LRP8: variants seen among roughly 807,000 people sequenced by gnomAD.
LRP8 encodes the protein low-density lipoprotein receptor-related protein 8.
In LRP8, 46 loss-of-function variants were observed where a neutral mutation model predicts 111.6. The ratio of observed to expected loss-of-function variants is 0.41; its 90% CI spans 0.33 to 0.53. The LOEUF (loss-of-function observed/expected upper bound fraction) is 0.53, where lower values mean the gene tolerates loss of function less well. LRP8 is among the 20% of genes least tolerant of loss of function. The pLI, the probability that LRP8 is intolerant of heterozygous loss-of-function variation, is 0.20. For synonymous variants in LRP8, 464 were observed against 511.2 expected, an observed-to-expected ratio of 0.91 and a Z score of 1.24; for missense variants, 959 against 1,297.4, an observed-to-expected ratio of 0.74 and a Z score of 4.01.
Position 53,323,441 on chromosome 1 carries a change from G to A in LRP8, c.244+3432C>T, listed in dbSNP as rs536061443. The stretch of plus-strand genomic sequence containing the variant: ...GGGAGTAAAGGCCAGGCCAGAGACC[G>A]GAATCTCTGCCTCTGCCCCCAGACA... On this transcript the variant is annotated intron_variant, in intron 2 of 18. Transcript: ENST00000306052. Among the ~76,000 whole-genome samples, 24 of 152,340 alleles carry A rather than the reference G, an allele frequency of 1.6e-4. No homozygotes were observed. The South Asian group carries it at 2.9e-3, about 18-fold the overall frequency.
intron 3 of LRP8, among the ~76,000 whole-genome samples, chr1:53,286,344 T>A (rs1348430219): frequency 6.6e-6 from 1 of 152,178 alleles, no homozygotes; most frequent in African/African-American, 2.4e-5. Flanking sequence ...TGGGCCTCCA[T>A]TTTCTGATCT....
At chr1:53,309,953 C>T (rs995195985) in intron 2 of LRP8, among the ~76,000 whole-genome samples, 1 of 152,096 alleles carries the variant, frequency 6.6e-6, no homozygotes, top group Non-Finnish European at 1.5e-5. Flanking sequence ...CCTACCCCGA[C>T]GCTTCACCAG....
At chr1:53,255,809 C>T (rs1227465165) in intron 15 of LRP8, among the ~76,000 whole-genome samples, 1 of 152,124 alleles carries the variant, frequency 6.6e-6, no homozygotes, top group Admixed American at 6.5e-5. Context: ...TGGTATTATA[C>T]TTTTATATCT....
rs766856973 is a variant in LRP8 at position 53,276,732 on chromosome 1, G to C, written c.843C>G (p.Gly281=). ...CCGATTTGTCTTTGCAGTCGCGGTC[G>C]CCGTCGCAGCGCCAGCCCAGGTGCA... is the stretch of plus-strand genomic sequence containing the variant. ...ECVHLGWRCD[G]DRDCKDKSDE... Residue 281 remains glycine, a synonymous_variant, in exon 5 of 19, where the codon GGC becomes GGG. Coordinates refer to ENST00000306052, the MANE Select transcript of LRP8 (RefSeq NM_004631.5). 11 of 1,518,880 alleles carry C rather than the reference G, an allele frequency of 7.2e-6. No individual in the cohort carries two copies. The South Asian group carries it at 1.3e-4, about 18-fold the overall frequency. The allele number at this position is 1,518,880 out of a possible 1,614,324, so 94.1% of individuals were successfully genotyped here. A position where few individuals can be genotyped will look rare whatever the true frequency, so the allele number is the denominator to read the frequency against.
At chr1:53,280,890 A>T (rs1485777243) in intron 3 of LRP8, among the ~76,000 whole-genome samples, 175 bp from the exon 4 acceptor site, 1 of 152,136 alleles carries the variant, frequency 6.6e-6, no homozygotes, top group East Asian at 1.9e-4. Flanking sequence ...CTGTGCCAGG[A>T]ATTTTCAAAT....
intron 12 of LRP8, 85 bp from the exon 13 acceptor site, chr1:53,260,690 A>G: frequency 7.2e-7 from 1 of 1,391,062 alleles, no homozygotes; most frequent in Non-Finnish European, 1.0e-6. Flanking sequence ...AACCATAGTC[A>G]CAAGAACTTC....
At chr1:53,323,826 C>A (rs1654814404) in intron 2 of LRP8, among the ~76,000 whole-genome samples, 1 of 152,202 alleles carries the variant, frequency 6.6e-6, no homozygotes, top group African/African-American at 2.4e-5. Flanking sequence ...AATATAGGAA[C>A]AATACCACCT....
chr1:53,276,054 A>G (rs1482656892), intron 5 of LRP8, among the ~76,000 whole-genome samples: 32 of 152,102 alleles, frequency 2.1e-4, no homozygotes, highest in Admixed American at 2.1e-3. Context: ...CTCAGAACAG[A>G]CACACGGCCT....
At chr1:53,256,932 C>T (rs752948271) in intron 15 of LRP8, among the ~76,000 whole-genome samples, 4 of 152,200 alleles carry the variant, frequency 2.6e-5, no homozygotes, top group African/African-American at 7.2e-5. Context: ...CCAGTTATAC[C>T]GGTTACACCT....
chr1:53,301,368 A>C (rs901264242), intron 2 of LRP8, among the ~76,000 whole-genome samples: 23 of 152,158 alleles, frequency 1.5e-4, no homozygotes, highest in African/African-American at 5.3e-4. Flanking sequence ...GGCAGCTGTG[A>C]GGTGGGTGTG....
intron 2 of LRP8, chr1:53,305,926 G>A (rs1651866969): frequency 6.6e-6 from 1 of 152,340 alleles, no homozygotes; most frequent in African/African-American, 2.4e-5. Context: ...CCAAGCATGA[G>A]CTCTTATGAG....
intron 14 of LRP8, among the ~76,000 whole-genome samples, chr1:53,257,734 G>T (rs1014759025): frequency 6.6e-6 from 1 of 152,178 alleles, no homozygotes; most frequent in Non-Finnish European, 1.5e-5. Flanking sequence ...GGGGAAATCA[G>T]ATAAATCTAG....
rs146836225 is a variant in LRP8, at chr1:53,255,145, G to A, written c.2475C>T (p.Ala825=). ...EDSKMGSTVT[A]AVIGIIVPIV... is the part of the protein sequence containing the mutation. ...TGGGCACGATGATCCCGATAACAGCGGCAGTGACTGTTGAGCCCATCTTAC... is the reference window on the plus strand; with the variant it reads ...TGGGCACGATGATCCCGATAACAGCAGCAGTGACTGTTGAGCCCATCTTAC... The change falls in exon 16 of 19, where the codon GCC becomes GCT. Residue 825 remains alanine, a synonymous_variant. Transcript: ENST00000306052. 126 of 1,613,594 alleles carry A rather than the reference G, an allele frequency of 7.8e-5. 1 individual carries two copies. The highest frequency in any genetic ancestry group is 1.6e-4 in the Middle Eastern group (1 of 6,064).
Position 53,250,441 on chromosome 1 carries a change from A to G in LRP8, c.2676+249T>C, listed in dbSNP as rs1363359242. 6.6e-6 allele frequency among the ~76,000 whole-genome samples: 1 copy of G among 151,966 alleles called. No homozygotes were observed. Among genetic ancestry groups the G allele is most frequent in the Non-Finnish European group, 1.5e-5 (1 of 68,000 alleles). On this transcript the variant is annotated intron_variant, in intron 17 of 18. Coordinates refer to ENST00000306052, the MANE Select transcript of LRP8 (RefSeq NM_004631.5). The surrounding 1 kb of genome is among the most constrained non-coding windows in gnomAD (Gnocchi z 4.6). ...CCCAGGGCCTAGAACAGTGCCTGAT[A>G]CATGGTGCGTTTTTGATAAATGTTT...
rs769630947 is a variant in LRP8, at chr1:53,317,122, T to C, written c.244+9751A>G. On this transcript the variant is annotated intron_variant, in intron 2 of 18. Transcript: ENST00000306052. The surrounding 1 kb of genome is among the most constrained non-coding windows in gnomAD (Gnocchi z 4.9). ...CATGGCCGAGAAAGGGCTCTGAGAGTGTAGGGCAGCAGATGGCGGCTCAGG... is the reference window on the plus strand; with the variant it reads ...CATGGCCGAGAAAGGGCTCTGAGAGCGTAGGGCAGCAGATGGCGGCTCAGG... Among the ~76,000 whole-genome samples the C allele has an allele frequency of 2.1e-5, 3 of 145,636 alleles. No homozygotes were observed. Among genetic ancestry groups the C allele is most frequent in the African/African-American group, 5.1e-5 (2 of 39,108 alleles).
intron 10 of LRP8, among the ~76,000 whole-genome samples, chr1:53,263,513 T>C (rs1418466646): frequency 6.6e-6 from 1 of 152,214 alleles, no homozygotes; most frequent in East Asian, 1.9e-4. Flanking sequence ...AGTCCTGTTC[T>C]GTTCAGAATC....
rs764416013 is a variant in LRP8, at chr1:53,275,793, TG to T, written c.884-41del. On this transcript the variant is annotated intron_variant, in intron 5 of 18. Coordinates refer to ENST00000306052, the MANE Select transcript of LRP8 (RefSeq NM_004631.5). This position sits in a 1 kb window ranked among gnomAD's most constrained non-coding sequence, Gnocchi z 4.4. ...CAAGGGGAGAGGATCAGAGTCAGTG[TG>T]GTGCTAGGACAATTTCCCCACCACC... is the stretch of plus-strand genomic sequence containing the variant. 10 of 1,607,386 alleles carry T rather than the reference TG, an allele frequency of 6.2e-6. No homozygotes were observed. The highest frequency in any genetic ancestry group is 8.5e-6 in the Non-Finnish European group (10 of 1,176,858).
chr1:53,314,944 C>A (rs1653602757), intron 2 of LRP8, among the ~76,000 whole-genome samples: 1 of 152,182 alleles, frequency 6.6e-6, no homozygotes, highest in South Asian at 2.1e-4. Context: ...GAGGCCAGAG[C>A]CCAGGGGGAG....
At chr1:53,288,138 T>C (rs1041615287) in intron 3 of LRP8, 2 of 152,184 alleles carry the variant, frequency 1.3e-5, no homozygotes, top group African/African-American at 4.8e-5. Context: ...GCTGGCTGAC[T>C]GCAGTGAGGG....
Sources: allele counts gnomAD v4.1 joint callset (sites outside exome capture counted in the v4.1 genomes callset), GRCh38; gene constraint gnomAD v4.1.1; non-coding constraint Gnocchi (gnomAD v3.1); transcripts MANE v1.5; gene names NCBI Gene and HGNC (gene_info 2026-07-23, HGNC 2026-07-21).